Variants in RANBP2 observed in about 807,000 individuals in gnomAD.
RANBP2 encodes the protein RAN binding protein 2, also known as E3 SUMO-protein ligase RanBP2.
In RANBP2, 57 loss-of-function variants were observed where a neutral mutation model predicts 303.6. That is an observed-to-expected ratio of 0.19 (90% CI 0.15 to 0.23). The LOEUF (loss-of-function observed/expected upper bound fraction) is 0.23. Among genes scored for constraint, RANBP2 ranks in the 10% least tolerant of loss-of-function variants. The pLI is 1.00. For synonymous variants in RANBP2, 1,167 were observed against 1,301.5 expected (o/e 0.90, Z 2.23); for missense variants, 3,138 against 3,780.8 (o/e 0.83, Z 4.46).
chr2:109,634,119 CAAAAAAA>C, the RANBP2 span, among the ~76,000 whole-genome samples: 7 of 56,094 alleles, frequency 1.2e-4, no homozygotes, highest in Admixed American at 3.6e-4. Context: ...GACTCTGTCT[CAAAAAAA>C]AAAAAAAAAA....
chr2:108,905,550 T>G, the RANBP2 span, among the ~76,000 whole-genome samples: 2 of 149,572 alleles, frequency 1.3e-5, no homozygotes, highest in East Asian at 2.0e-4. Context: ...GGAGGAGGGG[T>G]AATGGGGGCA....
At chr2:109,491,217 T>A in the RANBP2 span, among the ~76,000 whole-genome samples, 1 of 152,094 alleles carries the variant, frequency 6.6e-6, no homozygotes. Context: ...TGTTTCTGAG[T>A]GCAAATAGTG....
the RANBP2 span, among the ~76,000 whole-genome samples, chr2:109,364,030 T>C: frequency 6.6e-6 from 1 of 152,196 alleles, no homozygotes; most frequent in South Asian, 2.1e-4. Context: ...TCTCAGTTAT[T>C]ATTGTTTCAA....
At chr2:109,651,116 C>T in the RANBP2 span, among the ~76,000 whole-genome samples, 1 of 152,082 alleles carries the variant, frequency 6.6e-6, no homozygotes, top group East Asian at 1.9e-4. Flanking sequence ...ACATCCTCTC[C>T]CCACAAAGGG....
At chr2:109,130,125 T>C in the RANBP2 span, 13 of 1,289,870 alleles carry the variant, frequency 1.0e-5, no homozygotes, top group Non-Finnish European at 1.3e-5. Context: ...TGAGTATCTG[T>C]CTCGGCGGAA....
the RANBP2 span, among the ~76,000 whole-genome samples, chr2:109,462,201 G>T: frequency 6.7e-6 from 1 of 149,154 alleles, no homozygotes; most frequent in African/African-American, 2.5e-5. Context: ...ACATCTTGAG[G>T]AAGGCAAAGG....
the RANBP2 span, among the ~76,000 whole-genome samples, chr2:109,291,964 C>T: frequency 3.9e-5 from 6 of 152,196 alleles, no homozygotes; most frequent in African/African-American, 9.6e-5. Flanking sequence ...CTCAAGTTCA[C>T]GCCATTCTTA....
At chr2:108,742,950 A>G (rs543812336) in intron 7 of RANBP2, among the ~76,000 whole-genome samples, 118 of 151,098 alleles carry the variant, frequency 7.8e-4, no homozygotes, top group South Asian at 1.7e-3. Flanking sequence ...CACCACGCCC[A>G]GCTAATTTTT....
the RANBP2 span, among the ~76,000 whole-genome samples, chr2:109,032,874 T>C: frequency 1.3e-5 from 2 of 152,168 alleles, no homozygotes; most frequent in Non-Finnish European, 2.9e-5. Context: ...AACAGAGAAC[T>C]CCAGATGGGC....
the RANBP2 span, among the ~76,000 whole-genome samples, chr2:109,202,450 C>G: frequency 7.2e-5 from 11 of 152,348 alleles, no homozygotes; most frequent in African/African-American, 2.6e-4. Flanking sequence ...AGTACAATTA[C>G]AATTACACAG....
the RANBP2 span, chr2:109,667,185 T>C: frequency 7.6e-7 from 1 of 1,319,888 alleles, no homozygotes; most frequent in South Asian, 1.2e-5. Context: ...TCCAAAAGCC[T>C]TGCAGAAAGC....
the RANBP2 span, among the ~76,000 whole-genome samples, chr2:109,512,759 C>T: frequency 6.6e-6 from 1 of 152,146 alleles, no homozygotes; most frequent in African/African-American, 2.4e-5. Flanking sequence ...GCTCCTGTCT[C>T]TCCCAGAGCC....
chr2:109,335,453 T>A, the RANBP2 span, among the ~76,000 whole-genome samples: 1 of 152,074 alleles, frequency 6.6e-6, no homozygotes, highest in Non-Finnish European at 1.5e-5. Context: ...TCTCTGCCCC[T>A]CAGGGCTGGG....
the RANBP2 span, among the ~76,000 whole-genome samples, chr2:108,841,123 A>G: frequency 1.3e-5 from 2 of 152,142 alleles, no homozygotes; most frequent in African/African-American, 4.8e-5. Context: ...GGTGTGAGCC[A>G]CCGTGTCTGG....
At chr2:109,039,938 T>A in the RANBP2 span, among the ~76,000 whole-genome samples, 1 of 152,158 alleles carries the variant, frequency 6.6e-6, no homozygotes, top group Admixed American at 6.5e-5. Context: ...ACTCTCCCAA[T>A]GGTATCATTT....
the RANBP2 span, among the ~76,000 whole-genome samples, chr2:109,495,523 ACT>A: frequency 0.033 from 2,481 of 75,378 alleles, 60 homozygotes; most frequent in East Asian, 0.15. Context: ...ACAAAGTCTC[ACT>A]CTGTCTGCTG....
chr2:109,261,832 T>C, the RANBP2 span, among the ~76,000 whole-genome samples: 4 of 152,188 alleles, frequency 2.6e-5, no homozygotes, highest in African/African-American at 9.7e-5. Context: ...CCTTCACTTA[T>C]AGTAGGGAAA....
chr2:109,599,659 A>G, the RANBP2 span, among the ~76,000 whole-genome samples: 1 of 152,124 alleles, frequency 6.6e-6, no homozygotes, highest in African/African-American at 2.4e-5. Flanking sequence ...ATCAAAAGTT[A>G]AAGGATAACT....
At chr2:109,678,965 T>C in the RANBP2 span, among the ~76,000 whole-genome samples, 2 of 152,228 alleles carry the variant, frequency 1.3e-5, no homozygotes, top group Non-Finnish European at 1.5e-5. Context: ...GCTCTCAGTC[T>C]GGCTGGGAAG....
Sources: allele counts gnomAD v4.1 joint callset (sites outside exome capture counted in the v4.1 genomes callset), GRCh38; gene constraint gnomAD v4.1.1; transcripts MANE v1.5; gene names NCBI Gene and HGNC (gene_info 2026-07-23, HGNC 2026-07-21).